The following UTP6 variants were observed in gnomAD, a reference collection of about 807,000 sequenced individuals.
The protein encoded by UTP6 is U3 small nucleolar RNA-associated protein 6 homolog.
In UTP6, 60 loss-of-function variants were observed where a neutral mutation model predicts 96.5. The observed-to-expected ratio is 0.62, with a 90% CI of 0.51 to 0.77. The LOEUF (loss-of-function observed/expected upper bound fraction) is 0.77, where lower values mean the gene tolerates loss of function less well. UTP6 is among the 30% of genes least tolerant of loss of function. The pLI is 0.00. For synonymous variants in UTP6, 215 were observed against 240.1 expected, an observed-to-expected ratio of 0.90 and a Z score of 0.96; for missense variants, 637 against 706.5, an observed-to-expected ratio of 0.90 and a Z score of 1.12.
chr17:31,894,696 A>G lies in UTP6; in HGVS notation c.261T>C (p.Ser87=). The G allele has an allele frequency of 6.2e-7, 1 of 1,611,764 alleles. No homozygotes were observed. Among genetic ancestry groups the G allele is most frequent in the South Asian group, 1.1e-5 (1 of 90,510 alleles). The change falls in exon 4 of 19, where the codon TCT becomes TCC. Residue 87 remains serine, a synonymous_variant. Coordinates refer to ENST00000261708, the MANE Select transcript of UTP6 (RefSeq NM_018428.3). ...YSFKKDEIEN[S]IVHRVQGVFQ... The stretch of plus-strand genomic sequence containing the variant: ...AAACACCTTGTACCCGGTGTACAAT[A>G]GAATTCTCAATCTCATCCTTCTTAA...
chr17:31,893,361 G>C (rs996144868), intron 4 of UTP6, among the ~76,000 whole-genome samples: 1 of 151,322 alleles, frequency 6.6e-6, no homozygotes, highest in Non-Finnish European at 1.5e-5. Flanking sequence ...AGGAGGCGAA[G>C]GTTGCAGTGA....
chr17:31,873,581 T>A (rs1434933665), intron 15 of UTP6, 92 bp downstream of exon 15: 3 of 1,603,226 alleles, frequency 1.9e-6, no homozygotes, highest in African/African-American at 2.7e-5. Context: ...CACTCCATAG[T>A]GCTTTAGGCG....
rs765995552 is a variant in UTP6 at position 31,873,400 on chromosome 17, T to G, written c.1474A>C (p.Lys492Gln). 1.2e-6 allele frequency: 2 copies of G among 1,614,230 alleles called. No homozygotes were observed. Among genetic ancestry groups the G allele is most frequent in the Admixed American group, 3.3e-5 (2 of 60,024 alleles). Reference sequence around the variant, plus strand: ...TACCTTTTAAACACAGCTCTGGCCTTTTTGTAGCCACCACTTCGATAAGCC... The same window carrying G: ...TACCTTTTAAACACAGCTCTGGCCTGTTTGTAGCCACCACTTCGATAAGCC... The part of the protein sequence containing the change: ...DWAYRSGGYK[K>Q]ARAVFKSLQE... Residue 492 changes from lysine to glutamine, a missense_variant, in exon 16 of 19, where the codon AAG becomes CAG. Coordinates refer to ENST00000261708, the MANE Select transcript of UTP6 (RefSeq NM_018428.3).
intron 16 of UTP6, 182 bp downstream of exon 16, chr17:31,873,196 G>C: frequency 1.9e-6 from 1 of 534,674 alleles, no homozygotes; most frequent in Non-Finnish European, 3.2e-6. Flanking sequence ...GGAGATTGCA[G>C]TGAGCAGAGA....
At chr17:31,890,617 C>CA (rs1239239298) in intron 6 of UTP6, among the ~76,000 whole-genome samples, 9 of 139,398 alleles carry the variant, frequency 6.5e-5, no homozygotes, top group Admixed American at 1.4e-4. Context: ...GACTCCATGT[C>CA]AAAAAAAAAA....
chr17:31,891,883 C>T (rs777943320), intron 6 of UTP6, among the ~76,000 whole-genome samples: 3 of 152,082 alleles, frequency 2.0e-5, no homozygotes, highest in East Asian at 1.9e-4. Flanking sequence ...ATTAGCTGGG[C>T]GTGGTGGCGG....
At position 31,863,384 on chromosome 17, in the gene UTP6, G is replaced by C. The variant is rs1312995319; in HGVS notation, c.1769C>G (p.Ala590Gly). ...TCATAAATGGCCAGTCTGATGCATA[G>C]CATGTTTAGCTACAAATGCCTCTGC... ...ESAEAFVAKH[A>G]MHQTGHL is the part of the protein sequence containing the mutation. Residue 590 changes from alanine (A) to glycine (G), a missense_variant, in exon 19 of 19, where the codon GCT becomes GGT. Physicochemically the swap from Ala to Gly is moderately conservative, Grantham distance 60. Coordinates refer to ENST00000261708, the MANE Select transcript of UTP6 (RefSeq NM_018428.3). 39 of 1,613,798 alleles carry C rather than the reference G, an allele frequency of 2.4e-5. No individual in the cohort carries two copies. The highest frequency in any genetic ancestry group is 3.3e-5 in the Non-Finnish European group (39 of 1,179,984).
At chr17:31,892,823 C>T in intron 4 of UTP6, 29 bp from the exon 5 acceptor site, 2 of 1,613,374 alleles carry the variant, frequency 1.2e-6, no homozygotes, top group South Asian at 2.2e-5. Flanking sequence ...AGTAAGCTGC[C>T]CAAATTTGAC....
At chr17:31,879,487 T>C (rs1010410278) in intron 11 of UTP6, among the ~76,000 whole-genome samples, 2 of 151,656 alleles carry the variant, frequency 1.3e-5, no homozygotes, top group African/African-American at 4.8e-5. Context: ...CTGGGCAACA[T>C]GGCAAAACTC....
Position 31,865,440 on chromosome 17 carries a change from T to C in UTP6, c.1564-2A>G. The C allele has an allele frequency of 6.2e-7, 1 of 1,613,688 alleles. No homozygotes were observed. The highest frequency in any genetic ancestry group is 8.5e-7 in the Non-Finnish European group (1 of 1,179,744). ...TATGTTCGCCATATTGCAGGATTCC[T>C]GACAAAGATAGACAATCTTGTCTCA... On this transcript the variant is annotated splice_acceptor_variant, in intron 17 of 18. Transcript: ENST00000261708. LOFTEE classifies it high-confidence loss of function.
At chr17:31,897,682 C>T (rs1904738111) in intron 2 of UTP6, among the ~76,000 whole-genome samples, 1 of 152,068 alleles carries the variant, frequency 6.6e-6, no homozygotes, top group Non-Finnish European at 1.5e-5. Flanking sequence ...CTCCTGACCA[C>T]AGGTGATCTG....
At chr17:31,892,094 C>T (rs1433197166) in intron 6 of UTP6, 166 bp downstream of exon 6, 2 of 642,330 alleles carry the variant, frequency 3.1e-6, no homozygotes, top group Non-Finnish European at 5.5e-6. Flanking sequence ...ATATAGTAGG[C>T]AGGGGTGAAC....
In UTP6 at chr17:31,863,155, A is replaced by G; in HGVS notation, c.*204T>C. 1 of 549,178 alleles carries G rather than the reference A, an allele frequency of 1.8e-6. No individual in the cohort carries two copies. Among genetic ancestry groups the G allele is most frequent in the South Asian group, 2.3e-5 (1 of 42,906 alleles). The allele number at this position is 549,178 out of a possible 1,614,324, so 34.0% of individuals were successfully genotyped here. A position where few individuals can be genotyped will look rare whatever the true frequency, so the allele number is the denominator to read the frequency against. On this transcript the variant is annotated 3_prime_UTR_variant, in exon 19 of 19. Coordinates refer to ENST00000261708, the MANE Select transcript of UTP6 (RefSeq NM_018428.3). ...CAGGAGTTCAAGACCAGCCAGGGCAACAGAGCAAGACCCAGTCTCAATCAT... is the reference window on the plus strand; with the variant it reads ...CAGGAGTTCAAGACCAGCCAGGGCAGCAGAGCAAGACCCAGTCTCAATCAT...
chr17:31,894,177 G>A (rs1010953348), intron 4 of UTP6, among the ~76,000 whole-genome samples: 2 of 150,822 alleles, frequency 1.3e-5, no homozygotes, highest in African/African-American at 2.4e-5. Context: ...GCTGAGGTGG[G>A]AGAATCATTT....
In UTP6 at chr17:31,901,698, G is replaced by A. The variant is rs1015050285; in HGVS notation, c.-71C>T. 1.3e-6 allele frequency: 2 copies of A among 1,493,702 alleles called. No individual in the cohort carries two copies. The highest frequency in any genetic ancestry group is 1.9e-6 in the Non-Finnish European group (2 of 1,080,596). 92.5% of individuals were successfully genotyped at this position (1,493,702 alleles called of 1,614,324 possible). ...CACGAGCAGGAAGCTCCCGGTTTCA[G>A]GTTCGGAGACCCAGCCCTACCACCG... On this transcript the variant is annotated 5_prime_UTR_variant, in exon 1 of 19. Coordinates refer to ENST00000261708, the MANE Select transcript of UTP6 (RefSeq NM_018428.3).
chr17:31,897,123 C>CA (rs1308634885), intron 2 of UTP6, among the ~76,000 whole-genome samples: 2 of 151,658 alleles, frequency 1.3e-5, no homozygotes, highest in African/African-American at 2.4e-5. Context: ...CCTATCTCTA[C>CA]AAAAAATAAG....
At chr17:31,894,520 C>T (rs1444566244) in intron 4 of UTP6, 125 bp downstream of exon 4, 3 of 658,110 alleles carry the variant, frequency 4.6e-6, no homozygotes, top group Non-Finnish European at 7.6e-6. Flanking sequence ...AGTAATGATA[C>T]CATCATTAGA....
At chr17:31,865,619 C>T (rs1360932253) in intron 17 of UTP6, among the ~76,000 whole-genome samples, 181 bp from the exon 18 acceptor site, 3 of 152,156 alleles carry the variant, frequency 2.0e-5, no homozygotes, top group Admixed American at 2.0e-4. Context: ...GAGTGAAGTA[C>T]ATATGTGAAA....
Position 31,889,278 on chromosome 17 carries a change from C to T in UTP6, c.543+7G>A. 4 of 1,604,868 alleles carry T rather than the reference C, an allele frequency of 2.5e-6. No homozygotes were observed. The highest frequency in any genetic ancestry group is 3.4e-6 in the Non-Finnish European group (4 of 1,172,616). ...CACTGTCTCATCCTATGTGCATACA[C>T]ACTCACTTCTTTATAAAGTTTTGGG... On this transcript the variant is annotated splice_region_variant and intron_variant, in intron 7 of 18. Coordinates refer to ENST00000261708, the MANE Select transcript of UTP6 (RefSeq NM_018428.3).
Sources: gnomAD v4.1 joint callset for allele counts (sites outside exome capture counted in the v4.1 genomes callset) on GRCh38, gnomAD v4.1.1 for gene constraint, MANE v1.5 for transcripts, NCBI Gene and HGNC (gene_info 2026-07-23, HGNC 2026-07-21) for gene names.